Variants in CIAO2A observed in about 807,000 individuals in gnomAD.
The protein encoded by CIAO2A is cytosolic iron-sulfur assembly component 2A.
In CIAO2A, 17 loss-of-function variants were observed where a neutral mutation model predicts 22.4. The observed-to-expected ratio is 0.76, with a 90% CI of 0.52 to 1.14. CIAO2A has a LOEUF of 1.14. Ranked by LOEUF, CIAO2A falls within the 50% of genes most tolerant of loss-of-function variation. The pLI is 0.00. For missense variants in CIAO2A, 192 were observed against 191.4 expected, an observed-to-expected ratio of 1.00 and a Z score of -0.02; for synonymous variants, 74 against 72.3, an observed-to-expected ratio of 1.02 and a Z score of -0.12.
chr15:64,085,037 G>GCCAAGAATGCA (rs1555488189), intron 2 of CIAO2A, among the ~76,000 whole-genome samples: 1 of 15,654 alleles, frequency 6.4e-5, no homozygotes, highest in African/African-American at 1.2e-4. Context: ...AGCTCCAGTG[G>GCCAAGAATGCA]CCACTACACT....
intron 2 of CIAO2A, among the ~76,000 whole-genome samples, chr15:64,087,595 G>A (rs1316190234): frequency 6.6e-6 from 1 of 152,050 alleles, no homozygotes; most frequent in Non-Finnish European, 1.5e-5. Context: ...CTCAAGATGT[G>A]GCCTATATGG....
At chr15:64,089,390 T>C (rs867536345) in intron 1 of CIAO2A, among the ~76,000 whole-genome samples, 1 of 151,728 alleles carries the variant, frequency 6.6e-6, no homozygotes, top group African/African-American at 2.4e-5. Context: ...TAGCCGGGTG[T>C]AGTGGTGCAG....
At chr15:64,078,633 C>A (rs1485105998) in intron 3 of CIAO2A, among the ~76,000 whole-genome samples, 1 of 31,024 alleles carries the variant, frequency 3.2e-5, no homozygotes, top group Non-Finnish European at 1.2e-4. Flanking sequence ...GAGATTCCAT[C>A]GCAAACAAAA....
intron 2 of CIAO2A, among the ~76,000 whole-genome samples, chr15:64,082,387 C>A (rs1235442556): frequency 6.6e-6 from 1 of 152,054 alleles, no homozygotes; most frequent in Non-Finnish European, 1.5e-5. Flanking sequence ...CGCTACCACA[C>A]CCACTAATTT....
At chr15:64,088,545 C>T (rs867691603) in intron 2 of CIAO2A, 142 bp downstream of exon 2, 13 of 601,312 alleles carry the variant, frequency 2.2e-5, no homozygotes, top group Middle Eastern at 5.3e-4. Context: ...GATGAATACA[C>T]GAACATACTC....
chr15:64,084,254 C>T (rs1380874178), intron 2 of CIAO2A, among the ~76,000 whole-genome samples: 2 of 152,092 alleles, frequency 1.3e-5, no homozygotes, highest in African/African-American at 2.4e-5. Context: ...GTGATCCTCT[C>T]GCCTCGGCCT....
chr15:64,079,993 C>A (rs1436216470), intron 3 of CIAO2A, among the ~76,000 whole-genome samples: 1 of 152,138 alleles, frequency 6.6e-6, no homozygotes, highest in Admixed American at 6.5e-5. Flanking sequence ...TTAAAATGGG[C>A]AAAGGATCTG....
chr15:64,078,780 C>G (rs971948558), intron 3 of CIAO2A, among the ~76,000 whole-genome samples: 2 of 151,954 alleles, frequency 1.3e-5, no homozygotes, highest in East Asian at 1.9e-4. Flanking sequence ...CAGTGGCTCA[C>G]GCCTGTAATC....
intron 3 of CIAO2A, among the ~76,000 whole-genome samples, chr15:64,078,646 A>AAAAG (rs1460352309): frequency 1.3e-5 from 2 of 151,358 alleles, no homozygotes; most frequent in East Asian, 1.9e-4. Context: ...AAACAAAAAA[A>AAAAG]AAAAAAAAAG....
In CIAO2A at chr15:64,075,458, G is replaced by A. The variant is rs752725891; in HGVS notation, c.385+34C>T. On this transcript the variant is annotated intron_variant, in intron 4 of 4. Transcript: ENST00000300030. ...TATCCAAGATAAAATACTATCTGAA[G>A]TTGTTTTTCAATTATGTTTCAACAT... is the stretch of plus-strand genomic sequence containing the variant. The A allele has an allele frequency of 2.9e-5, 40 of 1,394,616 alleles. No homozygotes were observed. The Admixed American group carries it at 3.7e-4, about 13-fold the overall frequency. 86.4% of individuals were successfully genotyped at this position (1,394,616 alleles called of 1,614,324 possible).
intron 1 of CIAO2A, chr15:64,090,103 G>A (rs1466545615): frequency 6.5e-6 from 1 of 152,810 alleles, no homozygotes; most frequent in Non-Finnish European, 1.5e-5. Flanking sequence ...AGCACTTTGG[G>A]AGGCTGAGGC....
At chr15:64,076,948 C>T (rs1227014204) in intron 3 of CIAO2A, among the ~76,000 whole-genome samples, 3 of 152,004 alleles carry the variant, frequency 2.0e-5, no homozygotes, top group Non-Finnish European at 4.4e-5. Flanking sequence ...TTAAGTGATC[C>T]GCCCATCTAG....
intron 3 of CIAO2A, among the ~76,000 whole-genome samples, 169 bp from the exon 4 acceptor site, chr15:64,075,706 A>G (rs2080712407): frequency 1.3e-5 from 2 of 150,208 alleles, no homozygotes; most frequent in African/African-American, 2.5e-5. Flanking sequence ...GCTGGAGTGC[A>G]GTGGCATGAT....
intron 2 of CIAO2A, among the ~76,000 whole-genome samples, chr15:64,084,299 C>T (rs916910913): frequency 2.6e-5 from 4 of 152,122 alleles, no homozygotes; most frequent in African/African-American, 7.2e-5. Flanking sequence ...TGGGCCACCA[C>T]GTCTGGCGAA....
intron 1 of CIAO2A, among the ~76,000 whole-genome samples, 156 bp downstream of exon 1, chr15:64,093,487 TGC>T (rs1212292404): frequency 6.6e-6 from 1 of 151,822 alleles, no homozygotes; most frequent in Non-Finnish European, 1.5e-5. Context: ...AGAAAGCGCC[TGC>T]TACGCCCCGG....
chr15:64,090,139 T>A (rs913118453), intron 1 of CIAO2A: 2 of 153,866 alleles, frequency 1.3e-5, no homozygotes, highest in Non-Finnish European at 2.9e-5. Context: ...GGTCAAGAGT[T>A]CGAGACCAGC....
chr15:64,073,072 T>C (rs769064066), intron 4 of CIAO2A, 44 bp from the exon 5 acceptor site: 5 of 1,316,418 alleles, frequency 3.8e-6, no homozygotes, highest in South Asian at 1.2e-5. Context: ...ACTGTGTCAA[T>C]ATACAGCACC....
At chr15:64,086,350 T>C (rs1192168505) in intron 2 of CIAO2A, among the ~76,000 whole-genome samples, 1 of 151,870 alleles carries the variant, frequency 6.6e-6, no homozygotes, top group Non-Finnish European at 1.5e-5. Flanking sequence ...AGGCGGAGGT[T>C]GCAGTAAGCC....
chr15:64,082,894 A>C (rs2080767551), intron 2 of CIAO2A, among the ~76,000 whole-genome samples: 1 of 152,128 alleles, frequency 6.6e-6, no homozygotes, highest in Non-Finnish European at 1.5e-5. Flanking sequence ...CAGTTTCCTT[A>C]TCTGCAAAAC....
Sources: gnomAD v4.1 joint callset for allele counts (sites outside exome capture counted in the v4.1 genomes callset) on GRCh38, gnomAD v4.1.1 for gene constraint, MANE v1.5 for transcripts, NCBI Gene and HGNC (gene_info 2026-07-23, HGNC 2026-07-21) for gene names.